The following SPACA9 variants were observed in gnomAD, a reference collection of about 807,000 sequenced individuals.
SPACA9 encodes sperm acrosome associated 9.
SPACA9 carries 14 observed loss-of-function variants against 12.5 expected under a neutral mutation model. That is an observed-to-expected ratio of 1.12 (90% CI 0.74 to 1.75). The LOEUF (loss-of-function observed/expected upper bound fraction) is 1.75, where lower values mean the gene tolerates loss of function less well. Among genes scored for constraint, SPACA9 ranks in the 40% most tolerant of loss-of-function variants. The pLI is 0.00. For synonymous variants in SPACA9, 111 were observed against 114.1 expected, an observed-to-expected ratio of 0.97 and a Z score of 0.17; for missense variants, 292 against 291.9, an observed-to-expected ratio of 1.00 and a Z score of 0.00.
intron 2 of SPACA9, among the ~76,000 whole-genome samples, chr9:132,885,163 C>A (rs557997313): frequency 2.0e-4 from 30 of 151,744 alleles, no homozygotes; most frequent in African/African-American, 7.0e-4. Flanking sequence ...TGAAAAAAAA[C>A]ACTTTTTTTT....
In SPACA9 at chr9:132,888,566, G is replaced by A. The variant is rs1332133402; in HGVS notation, c.624G>A (p.Arg208=). 69 of 1,550,526 alleles carry A rather than the reference G, an allele frequency of 4.5e-5. No homozygotes were observed. Among genetic ancestry groups the A allele is most frequent in the Non-Finnish European group, 5.3e-5 (61 of 1,147,042 alleles). Residue 208 remains arginine (R), a synonymous_variant, in exon 4 of 4, where the codon AGG becomes AGA. Coordinates refer to ENST00000356311, the MANE Select transcript of SPACA9 (RefSeq NM_001316897.2). This position sits in a 1 kb window ranked among gnomAD's most constrained non-coding sequence, Gnocchi z 5.0. ...TCACAAAAGCCAGCCTCAAACCCAG[G>A]GGATGTTCAAAACCACCCTGGAGGC... ...RQLTKASLKP[R]GCSKPPWRPP... is the part of the protein sequence containing the mutation.
At chr9:132,882,924 C>G (rs948130882) in intron 1 of SPACA9, among the ~76,000 whole-genome samples, 2 of 152,164 alleles carry the variant, frequency 1.3e-5, no homozygotes, top group Non-Finnish European at 2.9e-5. Context: ...TGGGCAAAAC[C>G]TTTCCCTCTG....
Position 132,889,868 on chromosome 9 carries a change from C to T in SPACA9, c.*1257C>T, listed in dbSNP as rs1000748398. The T allele has an allele frequency of 1.1e-5, 16 of 1,392,882 alleles. No homozygotes were observed. The highest frequency in any genetic ancestry group is 1.4e-5 in the Non-Finnish European group (15 of 1,060,788). 86.3% of individuals were successfully genotyped at this position (1,392,882 alleles called of 1,614,324 possible). ...AAGGGCGATGACCTGGTTTTCACAG[C>T]GTAGTCGAACCCCAAACATTGTAAA... On this transcript the variant is annotated 3_prime_UTR_variant, in exon 4 of 4. Transcript: ENST00000356311.
intron 1 of SPACA9, among the ~76,000 whole-genome samples, chr9:132,882,658 A>G (rs1459872384): frequency 1.3e-5 from 2 of 152,014 alleles, no homozygotes; most frequent in East Asian, 2.0e-4. Context: ...CCTGCTTGGA[A>G]GCTTGGAATG....
At position 132,881,501 on chromosome 9, in the gene SPACA9, C is replaced by T. The variant is rs959368032; in HGVS notation, c.-37-2410C>T. Among the ~76,000 whole-genome samples the T allele has an allele frequency of 2.6e-5, 4 of 151,068 alleles. No individual in the cohort carries two copies. In the East Asian group the frequency reaches 8.0e-4, roughly 30 times the overall value. Reference sequence around the variant, plus strand: ...GTTTTTGGGGCTGGGTACAGTGGCTCATGCCTATCATCCCAGCACTTTCGG... The same window carrying T: ...GTTTTTGGGGCTGGGTACAGTGGCTTATGCCTATCATCCCAGCACTTTCGG... On this transcript the variant is annotated intron_variant, in intron 1 of 3. Transcript: ENST00000356311.
At position 132,887,134 on chromosome 9, in the gene SPACA9, T is replaced by TGTCC. The variant is rs200687144; in HGVS notation, c.145-235_145-234insGTCC. Reference sequence around the variant, plus strand: ...CAACCGATCCATTAATTTCATATCATATCTATCCATCCATCCATCCATCCA... The same window carrying TGTCC: ...CAACCGATCCATTAATTTCATATCATGTCCATCTATCCATCCATCCATCCATCCA... On this transcript the variant is annotated intron_variant, in intron 2 of 3. Coordinates refer to ENST00000356311, the MANE Select transcript of SPACA9 (RefSeq NM_001316897.2). The surrounding 1 kb of genome is among the most constrained non-coding windows in gnomAD (Gnocchi z 5.4). 1.4e-5 allele frequency among the ~76,000 whole-genome samples: 1 copy of TGTCC among 70,346 alleles called. No individual in the cohort carries two copies. The highest frequency in any genetic ancestry group is 3.8e-5 in the Non-Finnish European group (1 of 26,516). 46.1% of individuals were successfully genotyped at this position (70,346 alleles called of 152,430 possible). A position where few individuals can be genotyped will look rare whatever the true frequency, so the allele number is the denominator to read the frequency against.
intron 1 of SPACA9, among the ~76,000 whole-genome samples, chr9:132,881,845 C>T (rs561010555): frequency 5.9e-5 from 9 of 152,162 alleles, no homozygotes; most frequent in South Asian, 2.1e-4. Flanking sequence ...TCTTGATTGC[C>T]GAGTTTTTTG....
At position 132,887,325 on chromosome 9, in the gene SPACA9, C is replaced by G; in HGVS notation, c.145-44C>G. On this transcript the variant is annotated intron_variant, in intron 2 of 3. Transcript: ENST00000356311. This position sits in a 1 kb window ranked among gnomAD's most constrained non-coding sequence, Gnocchi z 5.4. ...ATTTGCACCATAAGCCAGCCAGGACCCGGGTTGGCATGTCCCCAGCTCATG... is the reference window on the plus strand; with the variant it reads ...ATTTGCACCATAAGCCAGCCAGGACGCGGGTTGGCATGTCCCCAGCTCATG... The G allele has an allele frequency of 1.3e-6, 2 of 1,578,336 alleles. No homozygotes were observed. Among genetic ancestry groups the G allele is most frequent in the Non-Finnish European group, 8.6e-7 (1 of 1,158,466 alleles).
chr9:132,880,584 G>C (rs954818650), intron 1 of SPACA9, among the ~76,000 whole-genome samples: 2 of 152,102 alleles, frequency 1.3e-5, no homozygotes, highest in African/African-American at 4.8e-5. Context: ...TGTAAGCCCT[G>C]GGCCAACATT....
upstream of SPACA9, chr9:132,878,825 C>T: frequency 1.0e-6 from 1 of 961,398 alleles, no homozygotes; most frequent in Non-Finnish European, 1.2e-6. This position sits in a 1 kb window ranked among gnomAD's most constrained non-coding sequence, Gnocchi z 4.7. Flanking sequence ...CCAAGTGACC[C>T]GATTGCTATG....
At chr9:132,885,958 T>C (rs544134527) in intron 2 of SPACA9, among the ~76,000 whole-genome samples, 1 of 151,904 alleles carries the variant, frequency 6.6e-6, no homozygotes, top group African/African-American at 2.4e-5. Context: ...ATGGGGCAGG[T>C]TCCTCCTCCT....
At chr9:132,883,890 C>T in intron 1 of SPACA9, 21 bp from the exon 2 acceptor site, 2 of 1,588,016 alleles carry the variant, frequency 1.3e-6, no homozygotes, top group Non-Finnish European at 1.7e-6. Context: ...GACCTCATCA[C>T]TATCCTCTGT....
chr9:132,889,487 A>G lies in SPACA9; in HGVS notation c.*876A>G. The G allele has an allele frequency of 4.8e-6, 4 of 835,844 alleles. No homozygotes were observed. Among genetic ancestry groups the G allele is most frequent in the Non-Finnish European group, 5.8e-6 (4 of 693,574 alleles). 51.8% of individuals were successfully genotyped at this position (835,844 alleles called of 1,614,324 possible). A position where few individuals can be genotyped will look rare whatever the true frequency, so the allele number is the denominator to read the frequency against. Reference sequence around the variant, plus strand: ...AGTGGCACGATCTTGGCTCACTGCAACCTCCACCTCCAGGTTCAAGCGATT... The same window carrying G: ...AGTGGCACGATCTTGGCTCACTGCAGCCTCCACCTCCAGGTTCAAGCGATT... On this transcript the variant is annotated 3_prime_UTR_variant, in exon 4 of 4. Coordinates refer to ENST00000356311, the MANE Select transcript of SPACA9 (RefSeq NM_001316897.2).
rs1186033321 is a variant in SPACA9, at chr9:132,887,326, C to T, written c.145-43C>T. On this transcript the variant is annotated intron_variant, in intron 2 of 3. Coordinates refer to ENST00000356311, the MANE Select transcript of SPACA9 (RefSeq NM_001316897.2). This position sits in a 1 kb window ranked among gnomAD's most constrained non-coding sequence, Gnocchi z 5.4. ...TTTGCACCATAAGCCAGCCAGGACC[C>T]GGGTTGGCATGTCCCCAGCTCATGT... The T allele has an allele frequency of 8.9e-6, 14 of 1,579,034 alleles. No homozygotes were observed. The highest frequency in any genetic ancestry group is 4.5e-5 in the East Asian group (2 of 44,736).
At position 132,888,035 on chromosome 9, in the gene SPACA9, C is replaced by T. The variant is rs1388253323; in HGVS notation, c.348-255C>T. Among the ~76,000 whole-genome samples, 1 of 152,188 alleles carries T rather than the reference C, an allele frequency of 6.6e-6. No homozygotes were observed. Among genetic ancestry groups the T allele is most frequent in the Non-Finnish European group, 1.5e-5 (1 of 68,036 alleles). ...GAGGGATGAGCCAGCCAGTTCCTCA[C>T]CCCTAACCCAGGTTTCTACGGACCA... is the stretch of plus-strand genomic sequence containing the variant. On this transcript the variant is annotated intron_variant, in intron 3 of 3. Transcript: ENST00000356311. This position sits in a 1 kb window ranked among gnomAD's most constrained non-coding sequence, Gnocchi z 5.0.
In SPACA9 at chr9:132,888,333, C is replaced by T. The variant is rs779090020; in HGVS notation, c.391C>T (p.Arg131Trp). The change falls in exon 4 of 4, where the codon CGG becomes TGG. Residue 131 changes from arginine (R) to tryptophan (W), a missense_variant. Arg to Trp is a moderately radical substitution (Grantham distance 101). Coordinates refer to ENST00000356311, the MANE Select transcript of SPACA9 (RefSeq NM_001316897.2). This position sits in a 1 kb window ranked among gnomAD's most constrained non-coding sequence, Gnocchi z 5.0. ...GAACCACCTCAGCTGTGACGAGGCCCGGAACCACTACGGCGGCGTGGTCAG... is the reference window on the plus strand; with the variant it reads ...GAACCACCTCAGCTGTGACGAGGCCTGGAACCACTACGGCGGCGTGGTCAG... Reference protein sequence around the residue: ...VVNHLSCDEARNHYGGVVSLI... With the variant: ...VVNHLSCDEAWNHYGGVVSLI... The T allele has an allele frequency of 2.5e-5, 40 of 1,613,920 alleles. No homozygotes were observed. The highest frequency in any genetic ancestry group is 2.3e-4 in the South Asian group (21 of 91,074).
At position 132,888,757 on chromosome 9, in the gene SPACA9, C is replaced by G. The variant is rs532855729; in HGVS notation, c.*146C>G. 8 of 1,414,912 alleles carry G rather than the reference C, an allele frequency of 5.7e-6. No homozygotes were observed. The highest frequency in any genetic ancestry group is 1.4e-5 in the African/African-American group (1 of 69,228). 87.6% of individuals were successfully genotyped at this position (1,414,912 alleles called of 1,614,324 possible). A position where few individuals can be genotyped will look rare whatever the true frequency, so the allele number is the denominator to read the frequency against. ...AATATATTACTGAGACTTCCTCTCT[C>G]TCTTCTTGCTTTAACTTCTTTTTTT... On this transcript the variant is annotated 3_prime_UTR_variant, in exon 4 of 4. Transcript: ENST00000356311. This position sits in a 1 kb window ranked among gnomAD's most constrained non-coding sequence, Gnocchi z 5.0.
In SPACA9 at chr9:132,890,008, A is replaced by C; in HGVS notation, c.*1397A>C. 1 of 1,459,958 alleles carries C rather than the reference A, an allele frequency of 6.8e-7. No individual in the cohort carries two copies. Among genetic ancestry groups the C allele is most frequent in the Non-Finnish European group, 9.1e-7 (1 of 1,098,112 alleles). The allele number at this position is 1,459,958 out of a possible 1,614,324, so 90.4% of individuals were successfully genotyped here. On this transcript the variant is annotated 3_prime_UTR_variant, in exon 4 of 4. Transcript: ENST00000356311. The stretch of plus-strand genomic sequence containing the variant: ...TTGCTTCCTCAGGGGGAGACAGTCA[A>C]GAATAAAAAGTATTCTACCACCTCT...
At chr9:132,879,215 G>C (rs1220017643) in intron 1 of SPACA9, among the ~76,000 whole-genome samples, 1 of 152,222 alleles carries the variant, frequency 6.6e-6, no homozygotes, top group East Asian at 1.9e-4. Flanking sequence ...CCAGTGGTAC[G>C]GGGCAGCTTG....
Sources: gnomAD v4.1 joint callset for allele counts (sites outside exome capture counted in the v4.1 genomes callset) on GRCh38, gnomAD v4.1.1 for gene constraint, Gnocchi (gnomAD v3.1) non-coding constraint, MANE v1.5 for transcripts, NCBI Gene and HGNC (gene_info 2026-07-23, HGNC 2026-07-21) for gene names.